The following DOCK3 variants were observed in gnomAD, a reference collection of about 807,000 sequenced individuals.
The protein encoded by DOCK3 is dedicator of cytokinesis protein 3.
A neutral mutation model predicts 265.6 loss-of-function variants in DOCK3; 60 were observed. The ratio of observed to expected loss-of-function variants is 0.23; its 90% CI spans 0.18 to 0.28. DOCK3 has a LOEUF of 0.28. Among genes scored for constraint, DOCK3 ranks in the 10% least tolerant of loss-of-function variants. The probability of loss-of-function intolerance (pLI) is 1.00; values close to 1 mark genes in which losing one functional copy is unlikely to be tolerated. For synonymous variants in DOCK3, 881 were observed against 938.0 expected (o/e 0.94, Z 1.11); for missense variants, 1,981 against 2,594.3 (o/e 0.76, Z 5.14).
intron 22 of DOCK3, among the ~76,000 whole-genome samples, chr3:51,251,008 A>C (rs1260819573): frequency 6.6e-6 from 1 of 152,074 alleles, no homozygotes; most frequent in African/African-American, 2.4e-5. Context: ...TCCTAATGCT[A>C]TCCCTCCCCC....
intron 3 of DOCK3, among the ~76,000 whole-genome samples, chr3:50,879,214 C>A (rs1200009313): frequency 6.6e-6 from 1 of 152,284 alleles, no homozygotes; most frequent in East Asian, 1.9e-4. Context: ...GAAGAAACTG[C>A]ATCAATTAAC....
At position 50,718,368 on chromosome 3, in the gene DOCK3, A is replaced by C. The variant is rs540039826; in HGVS notation, c.37+43068A>C. 2.0e-5 allele frequency among the ~76,000 whole-genome samples: 3 copies of C among 152,318 alleles called. No individual in the cohort carries two copies. In the East Asian group the frequency reaches 5.8e-4, roughly 29 times the overall value. On this transcript the variant is annotated intron_variant, in intron 1 of 52. Transcript: ENST00000266037. Reference sequence around the variant, plus strand: ...TATTCTCTAAGGACATCTTGGTTGCATGGAACATCTTTTGCTTATATTTTC... The same window carrying C: ...TATTCTCTAAGGACATCTTGGTTGCCTGGAACATCTTTTGCTTATATTTTC...
At chr3:51,082,025 A>G (rs1432432294) in intron 7 of DOCK3, among the ~76,000 whole-genome samples, 1 of 152,004 alleles carries the variant, frequency 6.6e-6, no homozygotes, top group Admixed American at 6.5e-5. Context: ...AGCATCTAAG[A>G]CAGAATACTG....
At chr3:51,353,947 C>T (rs1189314973) in intron 40 of DOCK3, among the ~76,000 whole-genome samples, 1 of 152,192 alleles carries the variant, frequency 6.6e-6, no homozygotes, top group Non-Finnish European at 1.5e-5. Flanking sequence ...CCAGCTATGA[C>T]ATAGGCAGAG....
chr3:51,249,768 G>A (rs1333685470), intron 22 of DOCK3, among the ~76,000 whole-genome samples: 5 of 144,350 alleles, frequency 3.5e-5, no homozygotes, highest in African/African-American at 7.8e-5. Context: ...CCCCGTCTGG[G>A]AGGTGTGCCC....
chr3:50,994,573 T>A (rs1361904182), intron 5 of DOCK3, among the ~76,000 whole-genome samples: 1 of 152,174 alleles, frequency 6.6e-6, no homozygotes, highest in Non-Finnish European at 1.5e-5. Context: ...GAAGAACAAG[T>A]ATGTATATGT....
In DOCK3 at chr3:50,768,866, C is replaced by T. The variant is rs548997970; in HGVS notation, c.38-9809C>T. ...TGAATGGCTGTACTGATTTACGTTT[C>T]CACCAGCAGTGTATGAGAGTTTCCT... On this transcript the variant is annotated intron_variant, in intron 1 of 52. Transcript: ENST00000266037. 2.0e-5 allele frequency among the ~76,000 whole-genome samples: 3 copies of T among 152,266 alleles called. No homozygotes were observed. The South Asian group carries it at 6.2e-4, about 32-fold the overall frequency.
intron 7 of DOCK3, among the ~76,000 whole-genome samples, chr3:51,085,005 A>C (rs2082369538): frequency 6.6e-6 from 1 of 152,242 alleles, no homozygotes; most frequent in South Asian, 2.1e-4. Flanking sequence ...ATGCAAATAG[A>C]AACCTAAAGC....
At chr3:51,068,754 C>G (rs1464748357) in intron 6 of DOCK3, among the ~76,000 whole-genome samples, 2 of 152,054 alleles carry the variant, frequency 1.3e-5, no homozygotes, top group East Asian at 3.9e-4. Context: ...ATGTGTGAGT[C>G]TTAAAACCAG....
chr3:50,831,690 A>G lies in DOCK3; in HGVS notation c.122-9985A>G, dbSNP rs1025192919. 3.3e-5 allele frequency among the ~76,000 whole-genome samples: 5 copies of G among 152,310 alleles called. No individual in the cohort carries two copies. In the South Asian group the frequency reaches 1.0e-3, roughly 32 times the overall value. ...TTGTGAATAGTGCTGCAATAAACAT[A>G]TGTGTGCATGCATCTTTATAGTAGA... On this transcript the variant is annotated intron_variant, in intron 2 of 52. Coordinates refer to ENST00000266037, the MANE Select transcript of DOCK3 (RefSeq NM_004947.5).
intron 3 of DOCK3, among the ~76,000 whole-genome samples, chr3:50,878,465 G>A (rs1422393930): frequency 1.3e-5 from 2 of 152,178 alleles, no homozygotes; most frequent in Non-Finnish European, 2.9e-5. Flanking sequence ...ACCATGGCAC[G>A]AGAACGATGT....
In DOCK3 at chr3:50,920,492, T is replaced by C. The variant is rs191307484; in HGVS notation, c.219-13489T>C. 6.6e-5 allele frequency among the ~76,000 whole-genome samples: 10 copies of C among 152,232 alleles called. No homozygotes were observed. In the East Asian group the frequency reaches 7.7e-4, roughly 12 times the overall value. Reference sequence around the variant, plus strand: ...TTAGTCTTGGGAGGGTGTATGTGTCTAGGAATTTATCCATTTCTTCTAGAT... The same window carrying C: ...TTAGTCTTGGGAGGGTGTATGTGTCCAGGAATTTATCCATTTCTTCTAGAT... On this transcript the variant is annotated intron_variant, in intron 4 of 52. Transcript: ENST00000266037.
At chr3:50,755,870 C>T (rs1403155911) in intron 1 of DOCK3, among the ~76,000 whole-genome samples, 1 of 152,102 alleles carries the variant, frequency 6.6e-6, no homozygotes, top group Non-Finnish European at 1.5e-5. Context: ...AATAATATTC[C>T]ACTGTATAGA....
At chr3:50,980,247 G>C (rs540588491) in intron 5 of DOCK3, among the ~76,000 whole-genome samples, 1 of 152,254 alleles carries the variant, frequency 6.6e-6, no homozygotes, top group Admixed American at 6.5e-5. Context: ...CTGTTGCTGT[G>C]ATGTATCACA....
chr3:51,308,124 A>G (rs757228648), intron 27 of DOCK3, among the ~76,000 whole-genome samples: 24 of 152,036 alleles, frequency 1.6e-4, no homozygotes, highest in Non-Finnish European at 3.1e-4. Flanking sequence ...ATGATTCTAC[A>G]GCAGCTTGTT....
rs199535110 is a variant in DOCK3, at chr3:50,850,708, TCTC to T, written c.162+8997_162+8999del. Among the ~76,000 whole-genome samples the T allele has an allele frequency of 4.7e-3, 719 of 152,280 alleles. 5 individuals carry two copies. The highest frequency in any genetic ancestry group is 9.0e-3 in the Admixed American group (138 of 15,288). On this transcript the variant is annotated intron_variant, in intron 3 of 52. Coordinates refer to ENST00000266037, the MANE Select transcript of DOCK3 (RefSeq NM_004947.5). The stretch of plus-strand genomic sequence containing the variant: ...GTTTTGTTTGTTTTCCCTCTCTCCT[TCTC>T]CTCAGGATGTGCAATAGTAGAGAAT...
At chr3:50,845,794 T>A (rs1395786770) in intron 3 of DOCK3, among the ~76,000 whole-genome samples, 11 of 152,194 alleles carry the variant, frequency 7.2e-5, no homozygotes, top group Admixed American at 7.2e-4. Context: ...TTGAACCTCC[T>A]TGAATATTTA....
chr3:50,833,375 C>A (rs2045310110), intron 2 of DOCK3, among the ~76,000 whole-genome samples: 1 of 152,066 alleles, frequency 6.6e-6, no homozygotes. Context: ...CAAAAATAAA[C>A]CTTACTCTTA....
intron 5 of DOCK3, among the ~76,000 whole-genome samples, chr3:50,942,899 G>T (rs1295150053): frequency 1.3e-5 from 2 of 151,882 alleles, no homozygotes; most frequent in African/African-American, 4.8e-5. Flanking sequence ...TAAAATACAT[G>T]CTGGAGTTTT....
Sources: allele counts gnomAD v4.1 joint callset (sites outside exome capture counted in the v4.1 genomes callset), GRCh38; gene constraint gnomAD v4.1.1; transcripts MANE v1.5; gene names NCBI Gene and HGNC (gene_info 2026-07-23, HGNC 2026-07-21).